The following CASK variants were observed in gnomAD, a reference collection of about 807,000 sequenced individuals.
CASK encodes the protein calcium/calmodulin dependent serine protein kinase, also known as peripheral plasma membrane protein CASK.
In CASK, 4 loss-of-function variants were observed where a neutral mutation model predicts 82.9. The ratio of observed to expected loss-of-function variants is 0.05; its 90% CI spans 0.02 to 0.11. CASK has a LOEUF of 0.11. Ranked by LOEUF, CASK falls within the 10% of genes least tolerant of loss-of-function variation. The pLI is 1.00. For missense variants in CASK, 358 were observed against 720.9 expected (o/e 0.50, Z 5.76); for synonymous variants, 259 against 253.5 (o/e 1.02, Z -0.20).
intron 5 of CASK, among the ~76,000 whole-genome samples, chrX:41,698,784 A>G (rs893538890): frequency 2.7e-5 from 3 of 111,771 alleles, no homozygotes; most frequent in Non-Finnish European, 5.6e-5. Context: ...CATGGTGTAT[A>G]AAATTTTTTT....
rs767365964 is a variant in CASK at position 41,627,943 on chromosome X, G to C, written c.916-1240C>G. On this transcript the variant is annotated intron_variant, in intron 9 of 26. Coordinates refer to ENST00000378163, the MANE Select transcript of CASK (RefSeq NM_001367721.1). ...TGCTTGAACCCGGGAGGCAGAGGTT[G>C]CGGTGAGCCGAGATCGTGCCATTGC... Among the ~76,000 whole-genome samples the C allele has an allele frequency of 9.8e-5, 11 of 111,793 alleles. No individual in the cohort carries two copies. The East Asian group carries it at 3.1e-3, about 32-fold the overall frequency.
At chrX:41,756,217 C>T (rs780145822) in intron 3 of CASK, among the ~76,000 whole-genome samples, 1 of 111,959 alleles carries the variant, frequency 8.9e-6, no homozygotes, top group South Asian at 3.7e-4. Flanking sequence ...GACACTAGGA[C>T]AGACAACAGC....
chrX:41,696,260 T>C, intron 5 of CASK: 1 of 1,202,911 alleles, frequency 8.3e-7, no homozygotes, highest in Non-Finnish European at 1.1e-6. Context: ...ATTACAGAGA[T>C]AAGCATAACG....
chrX:41,888,769 A>ATG (rs1556296743), intron 1 of CASK, among the ~76,000 whole-genome samples: 5 of 93,933 alleles, frequency 5.3e-5, no homozygotes, highest in Admixed American at 1.2e-4. Flanking sequence ...ATGTGTATAT[A>ATG]TGTATATATA....
At chrX:41,820,952 G>A (rs1324935570) in intron 2 of CASK, among the ~76,000 whole-genome samples, 1 of 111,116 alleles carries the variant, frequency 9.0e-6, no homozygotes, top group Non-Finnish European at 1.9e-5. Context: ...TTATGCTAAA[G>A]TGCATCATAA....
In CASK at chrX:41,569,715, T is replaced by C. The variant is rs1238680611; in HGVS notation, c.1535A>G (p.His512Arg). ...ATGCATAATTCTTGCAACAATACAA[T>C]GATTTAGTTCATTCATTTTTAAAGT... ...GITLKMNELN[H>R]CIVARIMHGG... is the part of the protein sequence containing the mutation. Residue 512 changes from histidine to arginine, a missense_variant, in exon 16 of 27, where the codon CAT (histidine) becomes CGT (arginine). Physicochemically the swap from His to Arg is conservative, Grantham distance 29. Around this residue, in one of 5 missense-constraint regions of CASK, gnomAD observed 110 missense variants for 218.8 expected, o/e 0.50. Transcript: ENST00000378163. 1 of 1,167,836 alleles carries C rather than the reference T, an allele frequency of 8.6e-7. No individual in the cohort carries two copies. Among genetic ancestry groups the C allele is most frequent in the Non-Finnish European group, 1.2e-6 (1 of 859,418 alleles).
intron 2 of CASK, among the ~76,000 whole-genome samples, chrX:41,823,691 T>C (rs1420173055): frequency 1.8e-5 from 2 of 111,575 alleles, no homozygotes; most frequent in Admixed American, 9.5e-5. Flanking sequence ...TCTCAGCGTC[T>C]ATGACAGCAT....
At chrX:41,640,963 T>C (rs73193117) in intron 8 of CASK, among the ~76,000 whole-genome samples, 6,340 of 106,997 alleles carry the variant, frequency 0.059, 228 homozygotes, top group Middle Eastern at 0.1. Context: ...AAAAAGTCTG[T>C]TAAGGTATCT....
chrX:41,666,497 A>G (rs2067120319), intron 6 of CASK, among the ~76,000 whole-genome samples: 1 of 112,172 alleles, frequency 8.9e-6, no homozygotes, highest in Admixed American at 9.5e-5. Flanking sequence ...AGATTGTGCA[A>G]TACTTTATCT....
chrX:41,667,464 A>C (rs1415740181), intron 6 of CASK, among the ~76,000 whole-genome samples: 2 of 112,247 alleles, frequency 1.8e-5, no homozygotes, highest in Non-Finnish European at 3.8e-5. Context: ...ATTTTGGACA[A>C]ATATTTAAAT....
At chrX:41,536,442 G>C (rs1215030380) in intron 22 of CASK, among the ~76,000 whole-genome samples, 2 of 111,012 alleles carry the variant, frequency 1.8e-5, no homozygotes, top group Non-Finnish European at 3.8e-5. Context: ...CATTTATTAA[G>C]AGAACCTTCT....
intron 5 of CASK, chrX:41,696,453 A>G: frequency 8.3e-7 from 1 of 1,200,742 alleles, no homozygotes; most frequent in Non-Finnish European, 1.1e-6. Flanking sequence ...TGTACTTATC[A>G]TTTTTACTAT....
intron 5 of CASK, among the ~76,000 whole-genome samples, chrX:41,735,707 A>G (rs981727125): frequency 3.2e-4 from 35 of 110,080 alleles, no homozygotes; most frequent in Non-Finnish European, 6.4e-4. Flanking sequence ...CGAGCAGGCT[A>G]CTTGTGTTCC....
At chrX:41,530,743 G>T (rs992732114) in intron 25 of CASK, among the ~76,000 whole-genome samples, 12 of 112,143 alleles carry the variant, frequency 1.1e-4, no homozygotes, top group African/African-American at 3.9e-4. Context: ...ACACAATCAG[G>T]AACCTTACTG....
intron 2 of CASK, among the ~76,000 whole-genome samples, chrX:41,838,239 T>C (rs895305692): frequency 1.8e-5 from 2 of 112,640 alleles, no homozygotes; most frequent in South Asian, 3.6e-4. Flanking sequence ...GATAATGATG[T>C]TGAACATATT....
intron 2 of CASK, among the ~76,000 whole-genome samples, chrX:41,832,079 A>G (rs894232729): frequency 1.8e-5 from 2 of 111,224 alleles, no homozygotes; most frequent in Non-Finnish European, 3.8e-5. Flanking sequence ...AGGCTCATCA[A>G]CTTTCTATGT....
chrX:41,777,984 A>G (rs759714710), intron 3 of CASK, among the ~76,000 whole-genome samples: 2 of 111,590 alleles, frequency 1.8e-5, no homozygotes, highest in South Asian at 3.8e-4. Context: ...AACTATAGGG[A>G]ATTTATTAAA....
At chrX:41,612,161 T>C (rs2066072016) in intron 11 of CASK, among the ~76,000 whole-genome samples, 1 of 104,001 alleles carries the variant, frequency 9.6e-6, no homozygotes, top group South Asian at 4.5e-4. Flanking sequence ...TGGCTGCCCA[T>C]CGTCTGGGAC....
At chrX:41,770,536 G>T (rs986683871) in intron 3 of CASK, among the ~76,000 whole-genome samples, 3 of 110,223 alleles carry the variant, frequency 2.7e-5, no homozygotes, top group Admixed American at 9.8e-5. Flanking sequence ...ACAGGTGCTC[G>T]CCACCACGTC....
Sources: gnomAD v4.1 joint callset for allele counts (sites outside exome capture counted in the v4.1 genomes callset) on GRCh38, gnomAD v4.1.1 for gene constraint, gnomAD v4.1.1 regional missense constraint, MANE v1.5 for transcripts, NCBI Gene and HGNC (gene_info 2026-07-23, HGNC 2026-07-21) for gene names.